EGFLAM: variants seen among roughly 807,000 people sequenced by gnomAD.
EGFLAM encodes the protein pikachurin.
In EGFLAM, 79 loss-of-function variants were observed where a neutral mutation model predicts 113.1. The observed-to-expected ratio is 0.70, with a 90% CI of 0.58 to 0.84. EGFLAM has a LOEUF of 0.84. Among genes scored for constraint, EGFLAM ranks in the 40% least tolerant of loss-of-function variants. The probability of loss-of-function intolerance (pLI) is 0.00; values close to 1 mark genes in which losing one functional copy is unlikely to be tolerated. For missense variants in EGFLAM, 1,265 were observed against 1,291.6 expected, an observed-to-expected ratio of 0.98 and a Z score of 0.32; for synonymous variants, 504 against 487.6, an observed-to-expected ratio of 1.03 and a Z score of -0.44.
At chr5:38,408,916 C>G (rs538722771) in intron 9 of EGFLAM, 88 bp from the exon 10 acceptor site, 2 of 1,159,916 alleles carry the variant, frequency 1.7e-6, no homozygotes, top group East Asian at 2.6e-5. Flanking sequence ...AGAAAATGCT[C>G]AAGTTTCACA....
At chr5:38,410,239 G>GGGCC (rs1175652665) in intron 10 of EGFLAM, among the ~76,000 whole-genome samples, 1 of 152,232 alleles carries the variant, frequency 6.6e-6, no homozygotes, top group Non-Finnish European at 1.5e-5. Context: ...GCTAGAAAAT[G>GGGCC]GGCCCCCATG....
At chr5:38,378,781 C>T (rs1048974204) in intron 6 of EGFLAM, among the ~76,000 whole-genome samples, 20 of 152,334 alleles carry the variant, frequency 1.3e-4, no homozygotes, top group African/African-American at 4.6e-4. Context: ...AGAAAAGACA[C>T]TTAGTATCTC....
At position 38,375,234 on chromosome 5, in the gene EGFLAM, A is replaced by G. The variant is rs149915333; in HGVS notation, c.712+4772A>G. ...AAAGTCAACCCGTATATTTCGGTAT[A>G]GCCCTAGTATTTTACAGCTGGCAGC... is the stretch of plus-strand genomic sequence containing the variant. On this transcript the variant is annotated intron_variant, in intron 6 of 21. Transcript: ENST00000322350. 6.6e-3 allele frequency among the ~76,000 whole-genome samples: 1,009 copies of G among 152,326 alleles called. 16 individuals are homozygous for G. The highest frequency in any genetic ancestry group is 0.023 in the African/African-American group (940 of 41,570).
At position 38,409,096 on chromosome 5, in the gene EGFLAM, G is replaced by A. The variant is rs771276942; in HGVS notation, c.1341G>A (p.Leu447=). Residue 447 remains leucine (L), a synonymous_variant, in exon 10 of 22, where the codon CTG becomes CTA. Coordinates refer to ENST00000322350, the MANE Select transcript of EGFLAM (RefSeq NM_152403.4). ...FMSLAIIRRS[L]QFRFNCGTGV... is the part of the protein sequence containing the mutation. Reference sequence around the variant, plus strand: ...CCCTGGCTATCATCCGACGCTCCCTGCAGTTCAGGTAATTCCTGCCAAAAG... The same window carrying A: ...CCCTGGCTATCATCCGACGCTCCCTACAGTTCAGGTAATTCCTGCCAAAAG... The A allele has an allele frequency of 2.7e-5, 43 of 1,575,056 alleles. No individual in the cohort carries two copies. In the Middle Eastern group the frequency reaches 5.0e-4, roughly 18 times the overall value.
chr5:38,337,693 C>T, intron 2 of EGFLAM, 64 bp downstream of exon 2: 1 of 1,368,946 alleles, frequency 7.3e-7, no homozygotes. Context: ...TCTTTCTCAT[C>T]CTTGCTTTTT....
At chr5:38,356,223 CCA>C in intron 5 of EGFLAM, among the ~76,000 whole-genome samples, 1 of 152,236 alleles carries the variant, frequency 6.6e-6, no homozygotes, top group African/African-American at 2.4e-5. Flanking sequence ...ATGGGAAGGC[CCA>C]GTCACTTGTT....
chr5:38,266,214 T>C (rs1757632039), intron 1 of EGFLAM, among the ~76,000 whole-genome samples: 1 of 152,194 alleles, frequency 6.6e-6, no homozygotes, highest in Non-Finnish European at 1.5e-5. Flanking sequence ...TTTCTCCTGG[T>C]GGAGCAGGAA....
chr5:38,424,795 C>T (rs1034558869), intron 12 of EGFLAM, among the ~76,000 whole-genome samples, 172 bp from the exon 13 acceptor site: 1 of 152,192 alleles, frequency 6.6e-6, no homozygotes, highest in Non-Finnish European at 1.5e-5. Flanking sequence ...AAATGAAGAG[C>T]AGGTTCCACT....
At chr5:38,345,710 A>T (rs192111722) in intron 3 of EGFLAM, 35 of 152,322 alleles carry the variant, frequency 2.3e-4, no homozygotes, top group South Asian at 1.0e-3. Flanking sequence ...AGAGATAAAC[A>T]TCTTGACTTG....
chr5:38,298,877 T>G (rs767326073), intron 1 of EGFLAM, among the ~76,000 whole-genome samples: 1 of 152,084 alleles, frequency 6.6e-6, no homozygotes, highest in Non-Finnish European at 1.5e-5. Context: ...ATTTTTGTAT[T>G]CTTTATAGAG....
At chr5:38,395,600 G>GTACTCAAAT (rs1483979450) in intron 6 of EGFLAM, among the ~76,000 whole-genome samples, 1 of 152,096 alleles carries the variant, frequency 6.6e-6, no homozygotes, top group African/African-American at 2.4e-5. Context: ...ACCATGGTTG[G>GTACTCAAAT]TACTCAAATG....
intron 11 of EGFLAM, among the ~76,000 whole-genome samples, chr5:38,415,921 C>T (rs1233395157): frequency 2.6e-5 from 4 of 152,030 alleles, no homozygotes; most frequent in African/African-American, 4.8e-5. Context: ...CTCACTACCA[C>T]GAGAACAGCA....
chr5:38,436,787 G>A (rs746963323), intron 16 of EGFLAM, among the ~76,000 whole-genome samples: 7 of 152,150 alleles, frequency 4.6e-5, no homozygotes, highest in African/African-American at 7.2e-5. Context: ...CACATATTAC[G>A]CAGTTTCATG....
At chr5:38,328,519 T>A (rs1738947203) in intron 1 of EGFLAM, among the ~76,000 whole-genome samples, 2 of 152,204 alleles carry the variant, frequency 1.3e-5, no homozygotes. Context: ...CGCCAAAGTG[T>A]CTTCCACAAT....
Position 38,258,706 on chromosome 5 carries a change from T to G in EGFLAM, c.-49T>G, listed in dbSNP as rs1757414235. The G allele has an allele frequency of 1.3e-6, 2 of 1,568,376 alleles. No individual in the cohort carries two copies. Among genetic ancestry groups the G allele is most frequent in the Non-Finnish European group, 1.7e-6 (2 of 1,154,582 alleles). On this transcript the variant is annotated 5_prime_UTR_variant, in exon 1 of 22. Coordinates refer to ENST00000322350, the MANE Select transcript of EGFLAM (RefSeq NM_152403.4). ...CCCACGCGCCCCCGGAGACGCCCTTTCCGTGTGCGCCCGGGACTTGGTGAA... is the reference window on the plus strand; with the variant it reads ...CCCACGCGCCCCCGGAGACGCCCTTGCCGTGTGCGCCCGGGACTTGGTGAA...
intron 8 of EGFLAM, 57 bp downstream of exon 8, chr5:38,407,203 A>G: frequency 6.3e-7 from 1 of 1,577,604 alleles, no homozygotes; most frequent in Non-Finnish European, 8.6e-7. Context: ...TGACAGCCAG[A>G]GGGCAGTTTT....
At chr5:38,335,477 C>T (rs973844666) in intron 1 of EGFLAM, among the ~76,000 whole-genome samples, 2 of 152,152 alleles carry the variant, frequency 1.3e-5, no homozygotes, top group African/African-American at 2.4e-5. Flanking sequence ...GGTGGAAGAA[C>T]AATTCCCAGA....
chr5:38,335,225 T>C (rs551048639), intron 1 of EGFLAM, among the ~76,000 whole-genome samples: 3 of 152,342 alleles, frequency 2.0e-5, no homozygotes, highest in African/African-American at 7.2e-5. Flanking sequence ...ACTCGATAAA[T>C]TTTATAGGTA....
intron 1 of EGFLAM, among the ~76,000 whole-genome samples, chr5:38,317,882 A>T (rs145794665): frequency 0.01 from 1,583 of 152,326 alleles, 17 homozygotes; most frequent in Middle Eastern, 0.027. Flanking sequence ...GCAGGTGTAG[A>T]TTAGACAGCT....
Sources: gnomAD v4.1 joint callset for allele counts (sites outside exome capture counted in the v4.1 genomes callset) on GRCh38, gnomAD v4.1.1 for gene constraint, MANE v1.5 for transcripts, NCBI Gene and HGNC (gene_info 2026-07-23, HGNC 2026-07-21) for gene names.